The following RAB9B variants were observed in gnomAD, a reference collection of about 807,000 sequenced individuals.
RAB9B encodes RAB9B, member RAS oncogene family.
Under a neutral mutation model 8.9 loss-of-function variants are expected in RAB9B, and 1 was observed. The observed-to-expected ratio is 0.11, with a 90% confidence interval of 0.04 to 0.53. The LOEUF is 0.53. RAB9B is among the 20% of genes least tolerant of loss of function. RAB9B has a pLI of 0.93. For missense variants in RAB9B, 82 were observed against 152.9 expected (o/e 0.54, Z 2.45); for synonymous variants, 63 against 57.0 (o/e 1.10, Z -0.47).
chrX:103,796,847 C>CAAAA, the RAB9B span, among the ~76,000 whole-genome samples: 50 of 12,097 alleles, frequency 4.1e-3, 2 homozygotes, highest in African/African-American at 6.0e-3. Flanking sequence ...ACCGCCTCTA[C>CAAAA]AAAAAAAAAA....
At chrX:103,813,459 T>C in the RAB9B span, among the ~76,000 whole-genome samples, 3 of 110,150 alleles carry the variant, frequency 2.7e-5, no homozygotes, top group African/African-American at 9.9e-5. Flanking sequence ...TTTGTTTTTG[T>C]TTTTGTTTGT....
chrX:103,829,274 G>A (rs1055042107), intron 1 of RAB9B, among the ~76,000 whole-genome samples: 4 of 111,586 alleles, frequency 3.6e-5, no homozygotes, highest in Non-Finnish European at 7.5e-5. Flanking sequence ...CAGAATCTCA[G>A]CATTGAAGGG....
rs183552559 is a variant in RAB9B at position 103,830,587 on chromosome X, G to C, written c.-117+1473C>G. The stretch of plus-strand genomic sequence containing the variant: ...CCCCCACAAACTCATTAATGAGCAT[G>C]CTCTAAGGATAGTTTACTAACTTTT... On this transcript the variant is annotated intron_variant, in intron 1 of 2. Transcript: ENST00000243298. Among the ~76,000 whole-genome samples, 357 of 111,286 alleles carry C rather than the reference G, an allele frequency of 3.2e-3. 1 individual carries two copies. Among genetic ancestry groups the C allele is most frequent in the Non-Finnish European group, 4.0e-3 (213 of 53,058 alleles).
rs1218172916 is a variant in RAB9B at position 103,823,967 on chromosome X, A to G, written c.*1212T>C. The G allele has an allele frequency of 8.9e-6, 1 of 112,428 alleles. No homozygotes were observed. The highest frequency in any genetic ancestry group is 1.9e-5 in the Non-Finnish European group (1 of 53,299). 9.3% of individuals were successfully genotyped at this position (112,428 alleles called of 1,213,427 possible). The stretch of plus-strand genomic sequence containing the variant: ...TATATTCATAGAACTTAGAGCCAGA[A>G]AGGACTTTATATTGAACATGTAGCC... On this transcript the variant is annotated 3_prime_UTR_variant, in exon 3 of 3. Coordinates refer to ENST00000243298, the MANE Select transcript of RAB9B (RefSeq NM_016370.4).
chrX:103,817,944 C>T (rs1315149842), downstream of RAB9B, among the ~76,000 whole-genome samples: 1 of 111,174 alleles, frequency 9.0e-6, no homozygotes, highest in Non-Finnish European at 1.9e-5. Flanking sequence ...CCTCTCTTTC[C>T]CCAACCCACC....
At chrX:103,811,561 G>A in the RAB9B span, among the ~76,000 whole-genome samples, 4 of 111,246 alleles carry the variant, frequency 3.6e-5, no homozygotes, top group African/African-American at 1.3e-4. Flanking sequence ...AAATAAACAT[G>A]CTTTATTACT....
chrX:103,804,074 T>C, the RAB9B span, among the ~76,000 whole-genome samples: 2 of 112,097 alleles, frequency 1.8e-5, no homozygotes, highest in Non-Finnish European at 3.8e-5. Flanking sequence ...CATTGCCTAA[T>C]CTAAGGTCAC....
the RAB9B span, chrX:103,776,908 G>A: frequency 1.1e-6 from 1 of 882,147 alleles, no homozygotes; most frequent in Admixed American, 2.2e-5. Flanking sequence ...GAAGGAGGCT[G>A]GAGAGACCAG....
the RAB9B span, among the ~76,000 whole-genome samples, chrX:103,796,418 G>A: frequency 9.0e-6 from 1 of 111,698 alleles, no homozygotes; most frequent in Admixed American, 9.5e-5. Flanking sequence ...GCAGTGTGCC[G>A]AGATTGTGCC....
chrX:103,825,644 T>G lies in RAB9B; in HGVS notation c.141A>C (p.Arg47=). 8.3e-7 allele frequency: 1 copy of G among 1,210,721 alleles called. No individual in the cohort carries two copies. The highest frequency in any genetic ancestry group is 3.0e-5 in the East Asian group (1 of 33,809). ...FHTIGVEFLN[R]DLEVDGRFVT... is the part of the protein sequence containing the mutation. ...CAAAGCGTCCATCTACCTCCAGATC[T>G]CGATTTAAGAACTCTACCCCTATGG... Residue 47 remains arginine, a synonymous_variant, in exon 3 of 3, where the codon CGA becomes CGC. Coordinates refer to ENST00000243298, the MANE Select transcript of RAB9B (RefSeq NM_016370.4).
chrX:103,801,466 G>A, the RAB9B span, among the ~76,000 whole-genome samples: 1 of 111,449 alleles, frequency 9.0e-6, no homozygotes, highest in Non-Finnish European at 1.9e-5. Flanking sequence ...CTTACTGAGT[G>A]TGAATAAATT....
chrX:103,820,981 C>T (rs1368750247), downstream of RAB9B, among the ~76,000 whole-genome samples: 9 of 18,077 alleles, frequency 5.0e-4, no homozygotes, highest in Non-Finnish European at 7.5e-4. Flanking sequence ...CACACACACA[C>T]ATACACACAC....
At chrX:103,820,559 C>A (rs1255979253), downstream of RAB9B, among the ~76,000 whole-genome samples, 1 of 111,733 alleles carries the variant, frequency 8.9e-6, no homozygotes, top group African/African-American at 3.3e-5. Context: ...AAAATGAGAC[C>A]GTACTGTTTC....
At chrX:103,791,041 T>C in the RAB9B span, 308 of 154,727 alleles carry the variant, frequency 2.0e-3, no homozygotes, top group Non-Finnish European at 3.2e-3. Flanking sequence ...ATATTCTCTT[T>C]GGTGTACAAA....
chrX:103,795,073 G>A, the RAB9B span, among the ~76,000 whole-genome samples: 3 of 111,542 alleles, frequency 2.7e-5, no homozygotes, highest in Non-Finnish European at 5.6e-5. Flanking sequence ...AAGTGTTTGT[G>A]GTATAGCAGT....
In RAB9B at chrX:103,825,650, T is replaced by C. The variant is rs1477637008; in HGVS notation, c.135A>G (p.Leu45=). The C allele has an allele frequency of 8.3e-7, 1 of 1,210,724 alleles. No individual in the cohort carries two copies. Among genetic ancestry groups the C allele is most frequent in the Non-Finnish European group, 1.1e-6 (1 of 894,883 alleles). The change falls in exon 3 of 3, where the codon TTA becomes TTG. Residue 45 remains leucine (L), a synonymous_variant. Coordinates refer to ENST00000243298, the MANE Select transcript of RAB9B (RefSeq NM_016370.4). ...GTCCATCTACCTCCAGATCTCGATTTAAGAACTCTACCCCTATGGTGTGAA... is the reference window on the plus strand; with the variant it reads ...GTCCATCTACCTCCAGATCTCGATTCAAGAACTCTACCCCTATGGTGTGAA... ...QAFHTIGVEF[L]NRDLEVDGRF... is the part of the protein sequence containing the mutation.
the RAB9B span, chrX:103,776,960 C>A: frequency 8.3e-7 from 1 of 1,198,042 alleles, no homozygotes. Context: ...AGCAGACTAG[C>A]CAGCCGGCTA....
rs1472769494 is a variant in RAB9B, at chrX:103,825,489, C to T, written c.296G>A (p.Gly99Asp). The stretch of plus-strand genomic sequence containing the variant: ...GTAAATAAATTCTTTCTGCCAGTTA[C>T]CAAGATTCTCGAAGCTCTGCCGATC... ...VDDRQSFENLGNWQKEFIYYA... is the reference protein window; with the variant it reads ...VDDRQSFENLDNWQKEFIYYA... The change falls in exon 3 of 3, where the codon GGT (glycine) becomes GAT (aspartate). Residue 99 changes from glycine (G) to aspartate (D), a missense_variant. By Grantham distance (94) the Gly-to-Asp change is moderately conservative. Transcript: ENST00000243298. The T allele has an allele frequency of 2.5e-6, 3 of 1,211,366 alleles. 1 individual carries two copies. In the Admixed American group the frequency reaches 6.5e-5, roughly 26 times the overall value.
chrX:103,801,691 G>A, the RAB9B span, among the ~76,000 whole-genome samples: 738 of 111,676 alleles, frequency 6.6e-3, 4 homozygotes, highest in Non-Finnish European at 9.4e-3. Flanking sequence ...GGTTAACTGC[G>A]TTACCCAAAG....
Sources: allele counts gnomAD v4.1 joint callset (sites outside exome capture counted in the v4.1 genomes callset), GRCh38; gene constraint gnomAD v4.1.1; transcripts MANE v1.5; gene names NCBI Gene and HGNC (gene_info 2026-07-23, HGNC 2026-07-21).